The following PTCHD4 variants were observed in gnomAD, a reference collection of about 807,000 sequenced individuals.
The protein encoded by PTCHD4 is patched domain containing 4, also known as patched domain-containing protein 4.
A neutral mutation model predicts 58.1 loss-of-function variants in PTCHD4; 33 were observed. That is an observed-to-expected ratio of 0.57 (90% CI 0.43 to 0.76). The LOEUF (loss-of-function observed/expected upper bound fraction) is 0.76. Ranked by LOEUF, PTCHD4 falls within the 30% of genes least tolerant of loss-of-function variation. The pLI is 0.00. For missense variants in PTCHD4, 1,058 were observed against 1,027.1 expected, an observed-to-expected ratio of 1.03 and a Z score of -0.41; for synonymous variants, 478 against 409.6, an observed-to-expected ratio of 1.17 and a Z score of -2.02.
chr6:47,859,936 G>A lies in PTCHD4; in HGVS notation c.*18367C>T, dbSNP rs1763383613. On this transcript the variant is annotated 3_prime_UTR_variant, in exon 5 of 5. Transcript: ENST00000339488. Reference sequence around the variant, plus strand: ...GAGAGAACAAAGGGGGCAGTGGCTGGAGAAGTGGTCAGAGCAGGAGACAGG... The same window carrying A: ...GAGAGAACAAAGGGGGCAGTGGCTGAAGAAGTGGTCAGAGCAGGAGACAGG... Among the ~76,000 whole-genome samples the A allele has an allele frequency of 6.6e-6, 1 of 151,852 alleles. No individual in the cohort carries two copies. The highest frequency in any genetic ancestry group is 2.1e-4 in the South Asian group (1 of 4,804).
rs1263909494 is a variant in PTCHD4, at chr6:47,871,319, A to G, written c.*6984T>C. ...AATAATGGTAACTTTGTCTCTTTCT[A>G]TTTGCCTAGAATAAACAAACAAACA... is the stretch of plus-strand genomic sequence containing the variant. On this transcript the variant is annotated 3_prime_UTR_variant, in exon 5 of 5. Transcript: ENST00000339488. Among the ~76,000 whole-genome samples the G allele has an allele frequency of 6.6e-6, 1 of 151,590 alleles. No individual in the cohort carries two copies. Among genetic ancestry groups the G allele is most frequent in the Non-Finnish European group, 1.5e-5 (1 of 67,682 alleles).
Position 47,936,324 on chromosome 6 carries a change from C to A in PTCHD4, c.899-56388G>T, listed in dbSNP as rs113749237. Among the ~76,000 whole-genome samples, 642 of 152,164 alleles carry A rather than the reference C, an allele frequency of 4.2e-3. 4 individuals are homozygous for A. Among genetic ancestry groups the A allele is most frequent in the African/African-American group, 0.014 (586 of 41,496 alleles). ...CTTTGTCCTGGTTTACATTGGACAC[C>A]CCCTGGATAATTAGGAAGAGTGCTT... On this transcript the variant is annotated intron_variant, in intron 4 of 4. Transcript: ENST00000339488.
At chr6:48,026,291 C>T (rs549211344) in intron 3 of PTCHD4, among the ~76,000 whole-genome samples, 4 of 152,276 alleles carry the variant, frequency 2.6e-5, no homozygotes, top group African/African-American at 9.6e-5. Context: ...TTGATACTGG[C>T]TTCCTCATGG....
Position 47,879,856 on chromosome 6 carries a change from C to T in PTCHD4, c.979G>A (p.Ala327Thr). The T allele has an allele frequency of 6.2e-7, 1 of 1,606,676 alleles. No individual in the cohort carries two copies. Residue 327 changes from alanine to threonine, a missense_variant, in exon 5 of 5, where the codon GCA becomes ACA. By Grantham distance (58) the Ala-to-Thr change is moderately conservative (BLOSUM62 0). Transcript: ENST00000339488. ...ACCATCACATCAGAATAGGCATCTG[C>T]TATCCTGTCTTTGAAGGGCAAGTTC... is the stretch of plus-strand genomic sequence containing the variant. Reference protein sequence around the residue: ...KENLPFKDRIADAYSDVMVTY... With the variant: ...KENLPFKDRITDAYSDVMVTY...
chr6:48,016,993 G>A (rs934122088), intron 3 of PTCHD4, among the ~76,000 whole-genome samples: 1 of 152,202 alleles, frequency 6.6e-6, no homozygotes, highest in Non-Finnish European at 1.5e-5. Flanking sequence ...GATTTTCCAT[G>A]AGGCAGACAC....
chr6:47,933,432 T>A (rs1332439370), intron 4 of PTCHD4, among the ~76,000 whole-genome samples: 1 of 152,228 alleles, frequency 6.6e-6, no homozygotes, highest in Non-Finnish European at 1.5e-5. Flanking sequence ...TTTTGTGCAC[T>A]GGAGAGAGCT....
In PTCHD4 at chr6:47,875,276, T is replaced by C. The variant is rs899459006; in HGVS notation, c.*3027A>G. On this transcript the variant is annotated 3_prime_UTR_variant, in exon 5 of 5. Transcript: ENST00000339488. ...AATGAACAAAACAATGAGTGCAAAC[T>C]GGAAAAACTAGGGAGAGGTGCATAC... Among the ~76,000 whole-genome samples, 2 of 151,738 alleles carry C rather than the reference T, an allele frequency of 1.3e-5. No homozygotes were observed. Among genetic ancestry groups the C allele is most frequent in the African/African-American group, 4.8e-5 (2 of 41,368 alleles).
intron 4 of PTCHD4, among the ~76,000 whole-genome samples, chr6:47,972,731 T>C (rs1306595808): frequency 1.3e-5 from 2 of 151,940 alleles, no homozygotes; most frequent in Non-Finnish European, 2.9e-5. Flanking sequence ...TATGTACTAA[T>C]TGAGCAACAT....
chr6:47,977,519 A>G (rs146211552), intron 4 of PTCHD4, among the ~76,000 whole-genome samples: 1 of 152,268 alleles, frequency 6.6e-6, no homozygotes, highest in East Asian at 1.9e-4. Context: ...CCACTGAGTG[A>G]GCTTGGAAAG....
intron 1 of PTCHD4, among the ~76,000 whole-genome samples, chr6:48,101,289 A>C (rs1276127627): frequency 6.6e-6 from 1 of 152,206 alleles, no homozygotes; most frequent in Admixed American, 6.5e-5. Flanking sequence ...TTGGGTAAAG[A>C]GGCCTATTTT....
At chr6:48,015,822 C>T (rs972827826) in intron 3 of PTCHD4, among the ~76,000 whole-genome samples, 1 of 151,780 alleles carries the variant, frequency 6.6e-6, no homozygotes, top group Admixed American at 6.6e-5. Flanking sequence ...TTTCCTTGTG[C>T]CTAGAAAAAG....
At chr6:47,912,930 C>T (rs1285236590) in intron 4 of PTCHD4, among the ~76,000 whole-genome samples, 5 of 152,080 alleles carry the variant, frequency 3.3e-5, no homozygotes, top group Admixed American at 2.0e-4. Flanking sequence ...TTCTATCTTT[C>T]GCCTTGCTTC....
chr6:47,932,574 T>C (rs1307820044), intron 4 of PTCHD4, among the ~76,000 whole-genome samples: 1 of 152,224 alleles, frequency 6.6e-6, no homozygotes, highest in African/African-American at 2.4e-5. Context: ...AGAGTAATAT[T>C]TTTCAATGAG....
chr6:47,912,572 C>T (rs2113869703), intron 4 of PTCHD4, among the ~76,000 whole-genome samples: 1 of 152,236 alleles, frequency 6.6e-6, no homozygotes, highest in Admixed American at 6.6e-5. Context: ...TCCTCAGTCT[C>T]ACTATTACCT....
chr6:48,057,254 C>T (rs1764444480), intron 3 of PTCHD4, among the ~76,000 whole-genome samples: 1 of 151,542 alleles, frequency 6.6e-6, no homozygotes, highest in Non-Finnish European at 1.5e-5. Context: ...CTCAGGACCA[C>T]TCATGAAAAT....
chr6:48,006,925 T>A (rs959922465), intron 4 of PTCHD4, among the ~76,000 whole-genome samples: 1 of 152,204 alleles, frequency 6.6e-6, no homozygotes, highest in Non-Finnish European at 1.5e-5. Flanking sequence ...CCATTTTATA[T>A]GAGAAAAAAC....
intron 3 of PTCHD4, among the ~76,000 whole-genome samples, chr6:48,017,298 AT>A (rs890992189): frequency 1.1e-4 from 16 of 152,170 alleles, no homozygotes; most frequent in African/African-American, 3.6e-4. Context: ...CAAGGTATTT[AT>A]TTTTTAAAAG....
rs757999753 is a variant in PTCHD4 at position 47,866,683 on chromosome 6, G to A, written c.*11620C>T. Among the ~76,000 whole-genome samples the A allele has an allele frequency of 4.6e-5, 7 of 151,678 alleles. No individual in the cohort carries two copies. Among genetic ancestry groups the A allele is most frequent in the Non-Finnish European group, 7.4e-5 (5 of 67,816 alleles). The stretch of plus-strand genomic sequence containing the variant: ...TAAAATATATTCCTCCAAACATCTT[G>A]TAATATGATTGCTGGTTTTGGGGAG... On this transcript the variant is annotated 3_prime_UTR_variant, in exon 5 of 5. Transcript: ENST00000339488.
rs180829134 is a variant in PTCHD4, at chr6:48,052,409, C to T, written c.417+15821G>A. On this transcript the variant is annotated intron_variant, in intron 3 of 4. Coordinates refer to ENST00000339488, the MANE Select transcript of PTCHD4 (RefSeq NM_001384253.1). ...CACTAGAAGAATAACAAATAGCAAT[C>T]GCTTGTTTTAAAGAGAAATGAGAAA... Among the ~76,000 whole-genome samples, 420 of 151,514 alleles carry T rather than the reference C, an allele frequency of 2.8e-3. 3 individuals are homozygous for T. Among genetic ancestry groups the T allele is most frequent in the African/African-American group, 9.8e-3 (405 of 41,380 alleles).
Sources: gnomAD v4.1 joint callset for allele counts (sites outside exome capture counted in the v4.1 genomes callset) on GRCh38, gnomAD v4.1.1 for gene constraint, MANE v1.5 for transcripts, NCBI Gene and HGNC (gene_info 2026-07-23, HGNC 2026-07-21) for gene names.